The following TMEM132C variants were observed in gnomAD, a reference collection of about 807,000 sequenced individuals.
TMEM132C encodes the protein transmembrane protein 132C, also known as protein phosphatase 1, regulatory subunit 152.
In TMEM132C, 29 loss-of-function variants were observed where a neutral mutation model predicts 61.4. That is an observed-to-expected ratio of 0.47 (90% CI 0.35 to 0.64). The LOEUF (loss-of-function observed/expected upper bound fraction) is 0.64, where lower values mean the gene tolerates loss of function less well. Among genes scored for constraint, TMEM132C ranks in the 30% least tolerant of loss-of-function variants. The pLI is 0.00. For synonymous variants in TMEM132C, 656 were observed against 633.1 expected, an observed-to-expected ratio of 1.04 and a Z score of -0.54; for missense variants, 1,408 against 1,476.9, an observed-to-expected ratio of 0.95 and a Z score of 0.76.
chr12:128,664,803 C>T (rs570576103), intron 4 of TMEM132C, among the ~76,000 whole-genome samples: 8 of 152,230 alleles, frequency 5.3e-5, no homozygotes, highest in African/African-American at 1.2e-4. Context: ...CTTGGTCCCG[C>T]GGGGGTTTAG....
intron 8 of TMEM132C, among the ~76,000 whole-genome samples, chr12:128,704,781 C>G (rs1457388690): frequency 2.6e-5 from 4 of 152,192 alleles, no homozygotes; most frequent in Admixed American, 6.5e-5. Context: ...CTGACTGATT[C>G]AAGCAATACC....
rs756522317 is a variant in TMEM132C at position 128,706,658 on chromosome 12, ATC to A, written c.*365_*366del. 5.8e-5 allele frequency: 10 copies of A among 172,442 alleles called. No homozygotes were observed. In the East Asian group the frequency reaches 1.5e-3, roughly 25 times the overall value. 10.7% of individuals were successfully genotyped at this position (172,442 alleles called of 1,614,324 possible). A position where few individuals can be genotyped will look rare whatever the true frequency, so the allele number is the denominator to read the frequency against. ...AAGACAAATAAAAAGAGAAATAATC[ATC>A]TGTTTATATTTCTAATAAAGGAGCA... On this transcript the variant is annotated 3_prime_UTR_variant, in exon 9 of 9. Transcript: ENST00000435159.
intron 2 of TMEM132C, among the ~76,000 whole-genome samples, chr12:128,500,879 T>A (rs1322237443): frequency 6.6e-6 from 1 of 152,166 alleles, no homozygotes; most frequent in African/African-American, 2.4e-5. Context: ...CCAAAACTTG[T>A]ACATGAATAT....
At chr12:128,540,977 C>T (rs1165555089) in intron 2 of TMEM132C, among the ~76,000 whole-genome samples, 2 of 129,744 alleles carry the variant, frequency 1.5e-5, no homozygotes, top group Non-Finnish European at 3.7e-5. Context: ...CTGTCTCTAT[C>T]TCTCTGTCTG....
intron 1 of TMEM132C, among the ~76,000 whole-genome samples, chr12:128,294,612 G>A (rs1336967477): frequency 6.6e-6 from 1 of 152,166 alleles, no homozygotes; most frequent in Non-Finnish European, 1.5e-5. Context: ...CAGTTCCAGA[G>A]CCCAGAGATC....
At chr12:128,627,888 G>A (rs116913839) in intron 4 of TMEM132C, among the ~76,000 whole-genome samples, 1,900 of 152,306 alleles carry the variant, frequency 0.012, 21 homozygotes, top group Non-Finnish European at 0.019. Context: ...GACAGCTCAC[G>A]GCCAGCAGCT....
intron 1 of TMEM132C, among the ~76,000 whole-genome samples, chr12:128,412,766 T>C (rs372247894): frequency 1.6e-4 from 24 of 152,350 alleles, no homozygotes; most frequent in African/African-American, 5.8e-4. Flanking sequence ...ATTAGCAGTG[T>C]GAAAACAGGC....
intron 2 of TMEM132C, among the ~76,000 whole-genome samples, chr12:128,453,738 T>TTG (rs1008316923): frequency 6.6e-6 from 1 of 151,984 alleles, no homozygotes; most frequent in African/African-American, 2.4e-5. Context: ...CTCTGGCTGG[T>TTG]TGTGTGTGTG....
intron 1 of TMEM132C, among the ~76,000 whole-genome samples, chr12:128,398,423 A>G (rs1006267970): frequency 1.3e-5 from 2 of 152,246 alleles, no homozygotes; most frequent in African/African-American, 4.8e-5. Context: ...TTTGTAGTTC[A>G]TAAGGGTGAA....
chr12:128,679,052 C>G lies in TMEM132C; in HGVS notation c.1449+9492C>G, dbSNP rs141911501. Among the ~76,000 whole-genome samples the G allele has an allele frequency of 2.0e-5, 3 of 152,242 alleles. No individual in the cohort carries two copies. The East Asian group carries it at 5.8e-4, about 29-fold the overall frequency. On this transcript the variant is annotated intron_variant, in intron 5 of 8. Transcript: ENST00000435159. ...TGTCCTTATCTCAGATATGGAGATCCTAAGAGTCATATTGCATAGATGCTA... is the reference window on the plus strand; with the variant it reads ...TGTCCTTATCTCAGATATGGAGATCGTAAGAGTCATATTGCATAGATGCTA...
intron 5 of TMEM132C, among the ~76,000 whole-genome samples, chr12:128,675,865 A>G (rs1378441091): frequency 1.5e-5 from 2 of 137,540 alleles, no homozygotes; most frequent in Non-Finnish European, 3.0e-5. Context: ...AGATAGATAG[A>G]TAGATAGATA....
chr12:128,686,452 G>A (rs1230838729), intron 5 of TMEM132C, among the ~76,000 whole-genome samples: 1 of 152,196 alleles, frequency 6.6e-6, no homozygotes, highest in African/African-American at 2.4e-5. Context: ...TAATTACTGG[G>A]CATGGTGGTG....
rs1876798906 is a variant in TMEM132C, at chr12:128,616,311, G to A, written c.1281G>A (p.Leu427=). Reference sequence around the variant, plus strand: ...AGATCTTTGTCAGCCAGAAGGACCTGGTGGGCATCGTTCCCTTGGCTATGG... The same window carrying A: ...AGATCTTTGTCAGCCAGAAGGACCTAGTGGGCATCGTTCCCTTGGCTATGG... ...VSEIFVSQKD[L]VGIVPLAMDT... The change falls in exon 4 of 9, where the codon CTG becomes CTA. Residue 427 remains leucine (L), a synonymous_variant. Coordinates refer to ENST00000435159, the MANE Select transcript of TMEM132C (RefSeq NM_001136103.3). 6.4e-7 allele frequency: 1 copy of A among 1,551,802 alleles called. No individual in the cohort carries two copies. Among genetic ancestry groups the A allele is most frequent in the African/African-American group, 1.4e-5 (1 of 73,034 alleles).
chr12:128,492,955 T>C (rs917563023), intron 2 of TMEM132C, among the ~76,000 whole-genome samples: 1 of 152,168 alleles, frequency 6.6e-6, no homozygotes, highest in Admixed American at 6.5e-5. Context: ...ATTGCCTAGG[T>C]TTTCTTCTAG....
At chr12:128,628,085 AT>A (rs1305901947) in intron 4 of TMEM132C, among the ~76,000 whole-genome samples, 11 of 151,926 alleles carry the variant, frequency 7.2e-5, no homozygotes, top group Admixed American at 6.5e-5. Flanking sequence ...TGCATCTCAA[AT>A]GCAGCAGTCT....
intron 1 of TMEM132C, among the ~76,000 whole-genome samples, chr12:128,301,922 A>C (rs548344816): frequency 1.8e-3 from 278 of 152,326 alleles, no homozygotes; most frequent in Non-Finnish European, 1.8e-3. Context: ...GAGAGAAATG[A>C]GAGCCAAGTG....
At chr12:128,597,048 C>T (rs1875991282) in intron 3 of TMEM132C, among the ~76,000 whole-genome samples, 1 of 152,178 alleles carries the variant, frequency 6.6e-6, no homozygotes, top group South Asian at 2.1e-4. Flanking sequence ...AAGTGAGTTT[C>T]CTTCTCTCCA....
At chr12:128,492,301 C>A (rs1305957010) in intron 2 of TMEM132C, among the ~76,000 whole-genome samples, 1 of 152,174 alleles carries the variant, frequency 6.6e-6, no homozygotes, top group Non-Finnish European at 1.5e-5. Context: ...AATAGTGCCA[C>A]AATAAACATA....
intron 3 of TMEM132C, among the ~76,000 whole-genome samples, chr12:128,600,169 A>G (rs1402792100): frequency 1.3e-5 from 2 of 152,034 alleles, no homozygotes; most frequent in Non-Finnish European, 2.9e-5. Context: ...TTTTTAGTAG[A>G]GACGAGGTTT....
Sources: allele counts gnomAD v4.1 joint callset (sites outside exome capture counted in the v4.1 genomes callset), GRCh38; gene constraint gnomAD v4.1.1; transcripts MANE v1.5; gene names NCBI Gene and HGNC (gene_info 2026-07-23, HGNC 2026-07-21).